Variants in TMEM178B observed in about 807,000 individuals in gnomAD.
TMEM178B encodes transmembrane protein 178B.
In TMEM178B, 5 loss-of-function variants were observed where a neutral mutation model predicts 31.0. That is an observed-to-expected ratio of 0.16 (90% CI 0.08 to 0.34). TMEM178B has a LOEUF of 0.34. Among genes scored for constraint, TMEM178B ranks in the 10% least tolerant of loss-of-function variants. TMEM178B has a pLI of 1.00. For missense variants in TMEM178B, 275 were observed against 400.3 expected, an observed-to-expected ratio of 0.69 and a Z score of 2.67; for synonymous variants, 164 against 164.0, an observed-to-expected ratio of 1.00 and a Z score of 0.00.
intron 2 of TMEM178B, among the ~76,000 whole-genome samples, chr7:141,347,365 A>G (rs1350800381): frequency 1.3e-5 from 2 of 152,076 alleles, no homozygotes; most frequent in Non-Finnish European, 2.9e-5. Context: ...AGGGTGTAAG[A>G]TCAATCATTC....
intron 2 of TMEM178B, among the ~76,000 whole-genome samples, chr7:141,434,985 C>T (rs1299031341): frequency 6.6e-6 from 1 of 152,186 alleles, no homozygotes; most frequent in Non-Finnish European, 1.5e-5. Context: ...ATATGTAACA[C>T]ATTTTCTTTA....
At chr7:141,142,993 A>ATGTT (rs1304130847) in intron 1 of TMEM178B, among the ~76,000 whole-genome samples, 1 of 151,992 alleles carries the variant, frequency 6.6e-6, no homozygotes, top group Non-Finnish European at 1.5e-5. Flanking sequence ...GCATTTTTTC[A>ATGTT]TGTTTGTTTG....
At chr7:141,381,971 T>C (rs1800324747) in intron 2 of TMEM178B, among the ~76,000 whole-genome samples, 1 of 151,834 alleles carries the variant, frequency 6.6e-6, no homozygotes, top group African/African-American at 2.4e-5. Flanking sequence ...CTAGTTAATG[T>C]CTAACTGAGA....
intron 2 of TMEM178B, among the ~76,000 whole-genome samples, chr7:141,425,350 C>G (rs1586951625): frequency 6.6e-6 from 1 of 152,136 alleles, no homozygotes; most frequent in Admixed American, 6.5e-5. Context: ...ACCCCAAATT[C>G]CTGCACTTTG....
intron 2 of TMEM178B, among the ~76,000 whole-genome samples, chr7:141,370,810 A>G (rs1390476005): frequency 6.6e-6 from 1 of 152,266 alleles, no homozygotes; most frequent in Non-Finnish European, 1.5e-5. Flanking sequence ...GAGGATATGC[A>G]CATTGGTCTC....
chr7:141,080,682 G>A (rs931823755), intron 1 of TMEM178B, among the ~76,000 whole-genome samples: 1 of 152,216 alleles, frequency 6.6e-6, no homozygotes, highest in Non-Finnish European at 1.5e-5. Context: ...ATAGCACAGG[G>A]TAATGGGCAC....
At chr7:141,440,877 A>G (rs944562225) in intron 3 of TMEM178B, among the ~76,000 whole-genome samples, 2 of 152,196 alleles carry the variant, frequency 1.3e-5, no homozygotes, top group African/African-American at 4.8e-5. Context: ...AGGTAAAGCC[A>G]TGTCTTCCTG....
chr7:141,105,367 C>T (rs1280812664), intron 1 of TMEM178B, among the ~76,000 whole-genome samples: 1 of 151,800 alleles, frequency 6.6e-6, no homozygotes, highest in Non-Finnish European at 1.5e-5. Flanking sequence ...AATTAGCTGG[C>T]GTGGTGTTGT....
chr7:141,169,707 G>T (rs1439183092), intron 1 of TMEM178B, among the ~76,000 whole-genome samples: 2 of 152,130 alleles, frequency 1.3e-5, no homozygotes, highest in African/African-American at 4.8e-5. Flanking sequence ...ACTTGTCCTG[G>T]CCTCAAAAGG....
chr7:141,424,829 C>T (rs947500069), intron 2 of TMEM178B, among the ~76,000 whole-genome samples: 40 of 152,132 alleles, frequency 2.6e-4, no homozygotes, highest in Admixed American at 2.0e-4. Flanking sequence ...TATGAATTTT[C>T]CTCATGTCCT....
At chr7:141,397,181 A>G (rs1360629866) in intron 2 of TMEM178B, among the ~76,000 whole-genome samples, 4 of 152,364 alleles carry the variant, frequency 2.6e-5, no homozygotes, top group African/African-American at 7.2e-5. Flanking sequence ...GCCCAAAATC[A>G]TAGTGATTAA....
chr7:141,484,665 G>A (rs1023543619), downstream of TMEM178B, among the ~76,000 whole-genome samples: 1 of 152,236 alleles, frequency 6.6e-6, no homozygotes, highest in Admixed American at 6.5e-5. This position sits in a 1 kb window ranked among gnomAD's most constrained non-coding sequence, Gnocchi z 4.8. Context: ...GGGTTCAAGC[G>A]ATTCTCCTGC....
At chr7:141,495,261 A>G in the TMEM178B span, among the ~76,000 whole-genome samples, 1 of 152,214 alleles carries the variant, frequency 6.6e-6, no homozygotes, top group African/African-American at 2.4e-5. Flanking sequence ...TGCAGGGAGC[A>G]TGTCACTAGG....
chr7:141,504,555 A>G, the TMEM178B span, among the ~76,000 whole-genome samples: 1 of 152,260 alleles, frequency 6.6e-6, no homozygotes, highest in African/African-American at 2.4e-5. Context: ...AATTTGCTAA[A>G]GCTGAATGCT....
chr7:141,190,574 G>C (rs1373505587), intron 1 of TMEM178B, among the ~76,000 whole-genome samples: 1 of 152,040 alleles, frequency 6.6e-6, no homozygotes, highest in Non-Finnish European at 1.5e-5. Context: ...GCCTCTCAAG[G>C]TGTTCGGATT....
intron 2 of TMEM178B, among the ~76,000 whole-genome samples, chr7:141,308,891 C>A (rs1287604708): frequency 6.6e-6 from 1 of 152,116 alleles, no homozygotes; most frequent in Non-Finnish European, 1.5e-5. Flanking sequence ...CCCAATTTAA[C>A]ATTACAGACT....
At chr7:141,311,506 T>C (rs1482738008) in intron 2 of TMEM178B, among the ~76,000 whole-genome samples, 2 of 152,224 alleles carry the variant, frequency 1.3e-5, no homozygotes, top group Non-Finnish European at 2.9e-5. Flanking sequence ...AAATTCTGAA[T>C]ATTAACATTG....
At chr7:141,338,936 C>G (rs969564417) in intron 2 of TMEM178B, among the ~76,000 whole-genome samples, 1 of 152,190 alleles carries the variant, frequency 6.6e-6, no homozygotes, top group Non-Finnish European at 1.5e-5. Context: ...GCTACTCTGA[C>G]CTAGAAGCTA....
chr7:141,510,402 G>A, the TMEM178B span, among the ~76,000 whole-genome samples: 6 of 152,036 alleles, frequency 3.9e-5, no homozygotes, highest in African/African-American at 1.4e-4. Context: ...ATGGAGCTCA[G>A]GGGCCGGGCG....
Sources: gnomAD v4.1 joint callset for allele counts (sites outside exome capture counted in the v4.1 genomes callset) on GRCh38, gnomAD v4.1.1 for gene constraint, Gnocchi (gnomAD v3.1) non-coding constraint, MANE v1.5 for transcripts, NCBI Gene and HGNC (gene_info 2026-07-23, HGNC 2026-07-21) for gene names.